Variants in JAKMIP2 observed in about 807,000 individuals in gnomAD.
JAKMIP2 encodes janus kinase and microtubule interacting protein 2.
JAKMIP2 carries 25 observed loss-of-function variants against 115.0 expected under a neutral mutation model. The ratio of observed to expected loss-of-function variants is 0.22; its 90% CI spans 0.16 to 0.30. The LOEUF is 0.30. Ranked by LOEUF, JAKMIP2 falls within the 10% of genes least tolerant of loss-of-function variation. The pLI is 1.00. For missense variants in JAKMIP2, 642 were observed against 957.6 expected (o/e 0.67, Z 4.35); for synonymous variants, 334 against 343.6 (o/e 0.97, Z 0.31).
chr5:147,769,744 G>A (rs1755281363), intron 1 of JAKMIP2, among the ~76,000 whole-genome samples: 1 of 145,478 alleles, frequency 6.9e-6, no homozygotes, highest in Admixed American at 6.8e-5. Flanking sequence ...TAGAGCGCCT[G>A]GATCCTATCC....
At chr5:147,685,587 G>T (rs1406910469) in intron 1 of JAKMIP2, among the ~76,000 whole-genome samples, 2 of 152,112 alleles carry the variant, frequency 1.3e-5, no homozygotes, top group African/African-American at 4.8e-5. Context: ...ACTTCAGTTT[G>T]TTTTTACAGA....
chr5:147,649,553 T>C (rs1275519872), intron 4 of JAKMIP2, among the ~76,000 whole-genome samples: 1 of 152,140 alleles, frequency 6.6e-6, no homozygotes, highest in Admixed American at 6.5e-5. Flanking sequence ...CTATGCTATA[T>C]TGCGGGTACC....
chr5:147,757,557 T>C lies in JAKMIP2; in HGVS notation c.-149+24899A>G, dbSNP rs80316889. On this transcript the variant is annotated intron_variant, in intron 1 of 21. Coordinates refer to ENST00000616793, the MANE Select transcript of JAKMIP2 (RefSeq NM_001270941.2). The stretch of plus-strand genomic sequence containing the variant: ...GTCCTTGGTGAGAATCCAGCCTCTG[T>C]TCTTTAACCTGGGCCCAGTGATGTT... 3.2e-3 allele frequency among the ~76,000 whole-genome samples: 488 copies of C among 152,214 alleles called. 2 individuals are homozygous for C. Among genetic ancestry groups the C allele is most frequent in the African/African-American group, 0.011 (470 of 41,528 alleles).
chr5:147,676,342 T>A (rs2126819496), intron 1 of JAKMIP2, among the ~76,000 whole-genome samples: 1 of 151,928 alleles, frequency 6.6e-6, no homozygotes, highest in South Asian at 2.1e-4. Flanking sequence ...TCTCAAAAAA[T>A]AAAATAAAAT....
chr5:147,598,932 C>T (rs1433502097), intron 21 of JAKMIP2, among the ~76,000 whole-genome samples: 1 of 152,118 alleles, frequency 6.6e-6, no homozygotes, highest in Non-Finnish European at 1.5e-5. Context: ...ATCTTGCCAA[C>T]TTTGGAGACA....
At chr5:147,625,389 G>T (rs2126667831) in intron 16 of JAKMIP2, among the ~76,000 whole-genome samples, 1 of 152,274 alleles carries the variant, frequency 6.6e-6, no homozygotes, top group African/African-American at 2.4e-5. Context: ...ACCACTCCTT[G>T]GCTGTGGGGA....
chr5:147,700,932 T>G (rs533373763), intron 1 of JAKMIP2, among the ~76,000 whole-genome samples: 2 of 152,278 alleles, frequency 1.3e-5, no homozygotes, highest in South Asian at 2.1e-4. Context: ...CTAAGGGTGG[T>G]GTCTTTGATA....
chr5:147,745,525 C>T (rs1754319073), intron 1 of JAKMIP2, among the ~76,000 whole-genome samples: 1 of 152,114 alleles, frequency 6.6e-6, no homozygotes, highest in Non-Finnish European at 1.5e-5. Context: ...CCCATCCTGC[C>T]CTAATCACTC....
intron 1 of JAKMIP2, among the ~76,000 whole-genome samples, chr5:147,721,956 G>A (rs1753328203): frequency 6.6e-6 from 1 of 152,074 alleles, no homozygotes. Flanking sequence ...CCATGGCTGG[G>A]ACCTCTTAGG....
Position 147,618,063 on chromosome 5 carries a change from C to G in JAKMIP2, c.2194G>C (p.Val732Leu). The change falls in exon 19 of 22, where the codon GTT (valine) becomes CTT (leucine). Residue 732 changes from valine to leucine, a missense_variant. Val to Leu is a conservative substitution (Grantham distance 32). This residue lies in a region of JAKMIP2 where 68 missense variants were observed against 104.6 expected (regional missense o/e 0.65). Coordinates refer to ENST00000616793, the MANE Select transcript of JAKMIP2 (RefSeq NM_001270941.2). ...CTTAATAATTCACCAAACTTGATAA[C>G]AGTTTCTTGCTGTAGAGCATTGTAC... is the stretch of plus-strand genomic sequence containing the variant. ...TLYNALQQET[V>L]IKFGELLSEK... The G allele has an allele frequency of 6.2e-7, 1 of 1,614,122 alleles. No homozygotes were observed. Among genetic ancestry groups the G allele is most frequent in the South Asian group, 1.1e-5 (1 of 91,084 alleles).
chr5:147,725,863 T>C (rs1436983530), intron 1 of JAKMIP2, among the ~76,000 whole-genome samples: 1 of 152,176 alleles, frequency 6.6e-6, no homozygotes, highest in Non-Finnish European at 1.5e-5. Context: ...CTGACAGCTA[T>C]GGGTGACAGG....
chr5:147,651,484 CTA>C (rs1185378467), intron 3 of JAKMIP2, among the ~76,000 whole-genome samples: 14 of 152,136 alleles, frequency 9.2e-5, no homozygotes, highest in Non-Finnish European at 1.2e-4. Flanking sequence ...TCACTATATT[CTA>C]TGTGTACATT....
chr5:147,759,384 C>T (rs865864232), intron 1 of JAKMIP2, among the ~76,000 whole-genome samples: 2 of 152,038 alleles, frequency 1.3e-5, no homozygotes, highest in African/African-American at 4.8e-5. Flanking sequence ...ACCATGCAGT[C>T]ACAAGAAGAA....
intron 16 of JAKMIP2, among the ~76,000 whole-genome samples, chr5:147,624,882 TAAGTA>T (rs1263464268): frequency 6.6e-6 from 1 of 152,182 alleles, no homozygotes; most frequent in Non-Finnish European, 1.5e-5. Flanking sequence ...GGATTAACAA[TAAGTA>T]AAGATTAAGG....
chr5:147,765,845 T>C (rs1755135774), intron 1 of JAKMIP2, among the ~76,000 whole-genome samples: 1 of 152,174 alleles, frequency 6.6e-6, no homozygotes, highest in African/African-American at 2.4e-5. Context: ...CACAGTGTTT[T>C]CAAATCTACA....
intron 1 of JAKMIP2, among the ~76,000 whole-genome samples, chr5:147,749,512 G>T (rs954082082): frequency 6.6e-6 from 1 of 152,120 alleles, no homozygotes; most frequent in Non-Finnish European, 1.5e-5. Context: ...TTTTCTTCCA[G>T]TTCTCTTAGT....
intron 1 of JAKMIP2, among the ~76,000 whole-genome samples, chr5:147,768,887 T>A (rs1410194477): frequency 3.3e-5 from 5 of 152,130 alleles, no homozygotes; most frequent in Non-Finnish European, 7.4e-5. Flanking sequence ...GTTAACTTTT[T>A]TGTTTATAGA....
At chr5:147,736,675 T>C (rs1429707977) in intron 1 of JAKMIP2, among the ~76,000 whole-genome samples, 1 of 152,090 alleles carries the variant, frequency 6.6e-6, no homozygotes, top group Non-Finnish European at 1.5e-5. Context: ...CAAAACCCTG[T>C]ACTTTTATGA....
intron 2 of JAKMIP2, among the ~76,000 whole-genome samples, chr5:147,671,344 G>A (rs1759575303): frequency 6.6e-6 from 1 of 152,200 alleles, no homozygotes; most frequent in Admixed American, 6.5e-5. Context: ...CCTATAGAGG[G>A]CAAGAGTGGA....
Sources: allele counts gnomAD v4.1 joint callset (sites outside exome capture counted in the v4.1 genomes callset), GRCh38; gene constraint gnomAD v4.1.1; regional missense constraint gnomAD v4.1.1; transcripts MANE v1.5; gene names NCBI Gene and HGNC (gene_info 2026-07-23, HGNC 2026-07-21).